The following RNLS variants were observed in gnomAD, a reference collection of about 807,000 sequenced individuals.
RNLS encodes renalase, FAD dependent amine oxidase.
In RNLS, 39 loss-of-function variants were observed where a neutral mutation model predicts 39.8. That is an observed-to-expected ratio of 0.98 (90% CI 0.76 to 1.28). The LOEUF (loss-of-function observed/expected upper bound fraction) is 1.28. Among genes scored for constraint, RNLS ranks in the 50% most tolerant of loss-of-function variants. RNLS has a pLI of 0.00. For missense variants in RNLS, 410 were observed against 413.3 expected (o/e 0.99, Z 0.07); for synonymous variants, 147 against 150.7 (o/e 0.98, Z 0.18).
intron 5 of RNLS, among the ~76,000 whole-genome samples, chr10:88,332,056 A>G (rs1226984464): frequency 1.3e-5 from 2 of 152,134 alleles, no homozygotes; most frequent in African/African-American, 4.8e-5. Context: ...TTGGCATTCT[A>G]CCTCCTTGGC....
At chr10:88,470,772 T>A (rs1475708287) in intron 4 of RNLS, among the ~76,000 whole-genome samples, 1 of 151,990 alleles carries the variant, frequency 6.6e-6, no homozygotes, top group Non-Finnish European at 1.5e-5. Context: ...CATGCTACCA[T>A]GCCCGGCTAA....
chr10:88,289,053 G>C (rs973212769), intron 6 of RNLS, among the ~76,000 whole-genome samples: 1 of 152,186 alleles, frequency 6.6e-6, no homozygotes, highest in Non-Finnish European at 1.5e-5. Flanking sequence ...TGGCTCACAT[G>C]TGTGCCAGGG....
chr10:88,409,114 T>C (rs938770137), intron 4 of RNLS, among the ~76,000 whole-genome samples: 2 of 152,256 alleles, frequency 1.3e-5, no homozygotes. Context: ...GGTAAAAATC[T>C]ATACACAATA....
chr10:88,276,705 G>C (rs1449636437), intron 6 of RNLS, among the ~76,000 whole-genome samples: 2 of 152,046 alleles, frequency 1.3e-5, no homozygotes, highest in Admixed American at 1.3e-4. Flanking sequence ...CCATTTTGCA[G>C]GAAGGTACTT....
At chr10:88,269,952 G>A (rs912462254), downstream of RNLS, among the ~76,000 whole-genome samples, 9 of 152,080 alleles carry the variant, frequency 5.9e-5, no homozygotes, top group African/African-American at 2.2e-4. Context: ...GGTTCAAGTG[G>A]TTCTCCTCTC....
At chr10:88,371,288 G>C (rs3891323) in intron 4 of RNLS, among the ~76,000 whole-genome samples, 38,202 of 151,952 alleles carry the variant, frequency 0.25, 5,085 homozygotes, top group Non-Finnish European at 0.28. Flanking sequence ...AAAGCCTTCA[G>C]GGGTGTCTAT....
rs920720011 is a variant in RNLS at position 88,328,119 on chromosome 10, G to T, written c.701-13478C>A. 3.3e-5 allele frequency among the ~76,000 whole-genome samples: 5 copies of T among 152,306 alleles called. No homozygotes were observed. In the East Asian group the frequency reaches 9.7e-4, roughly 29 times the overall value. ...GACAGGGTTTCGCCATGTTGGCCAG[G>T]CTGGTCTCAAATTCCTGGCCTCATG... On this transcript the variant is annotated intron_variant, in intron 5 of 6. Coordinates refer to ENST00000331772, the MANE Select transcript of RNLS (RefSeq NM_001031709.3).
intron 4 of RNLS, among the ~76,000 whole-genome samples, chr10:88,459,812 G>A (rs537900743): frequency 2.6e-5 from 4 of 152,216 alleles, no homozygotes; most frequent in East Asian, 1.9e-4. Flanking sequence ...CTGTACTCAC[G>A]ATTAAAGGGC....
chr10:88,377,550 A>G (rs1169129106), intron 4 of RNLS, among the ~76,000 whole-genome samples: 1 of 152,226 alleles, frequency 6.6e-6, no homozygotes, highest in Non-Finnish European at 1.5e-5. Context: ...ACTGTACTGA[A>G]TACTACAGGT....
At chr10:88,252,412 C>A in the RNLS span, among the ~76,000 whole-genome samples, 2 of 152,316 alleles carry the variant, frequency 1.3e-5, no homozygotes, top group Non-Finnish European at 2.9e-5. Context: ...TACCCCCATA[C>A]AACTCCCACA....
At chr10:88,442,838 G>C (rs529205391) in intron 4 of RNLS, among the ~76,000 whole-genome samples, 2 of 152,094 alleles carry the variant, frequency 1.3e-5, no homozygotes, top group African/African-American at 4.8e-5. Flanking sequence ...AGTACTTCCA[G>C]CTCCAACACT....
intron 4 of RNLS, among the ~76,000 whole-genome samples, chr10:88,499,028 T>C (rs1845322707): frequency 6.6e-6 from 1 of 152,178 alleles, no homozygotes; most frequent in Non-Finnish European, 1.5e-5. Flanking sequence ...AAATATGAGA[T>C]GAAATTATGG....
the RNLS span, among the ~76,000 whole-genome samples, chr10:88,257,623 G>C: frequency 6.6e-6 from 1 of 152,182 alleles, no homozygotes; most frequent in African/African-American, 2.4e-5. Context: ...AAATGGTCAG[G>C]CTGGGAGACC....
At chr10:88,257,978 A>G in the RNLS span, among the ~76,000 whole-genome samples, 3 of 152,170 alleles carry the variant, frequency 2.0e-5, no homozygotes, top group Non-Finnish European at 4.4e-5. Flanking sequence ...AATTAATTGA[A>G]TGACATGTGC....
the RNLS span, among the ~76,000 whole-genome samples, chr10:88,261,113 GTAAT>G: frequency 6.6e-6 from 1 of 152,232 alleles, no homozygotes; most frequent in Non-Finnish European, 1.5e-5. Context: ...AGGAAAGGAA[GTAAT>G]AATTAAAATG....
intron 6 of RNLS, among the ~76,000 whole-genome samples, chr10:88,310,128 C>T (rs1277739048): frequency 1.3e-5 from 2 of 152,086 alleles, no homozygotes; most frequent in Non-Finnish European, 2.9e-5. Context: ...AGGAGGATTG[C>T]TTGAGCCGGG....
intron 4 of RNLS, among the ~76,000 whole-genome samples, chr10:88,380,643 C>A (rs78765429): frequency 0.077 from 11,782 of 152,028 alleles, 719 homozygotes; most frequent in East Asian, 0.35. Context: ...CTCGGCCTCC[C>A]GAAGTGCTGG....
chr10:88,355,487 C>T (rs1365569253), intron 5 of RNLS, among the ~76,000 whole-genome samples: 4 of 152,162 alleles, frequency 2.6e-5, no homozygotes, highest in East Asian at 1.9e-4. Context: ...CACTCCAGAC[C>T]GTTTGCCTGG....
chr10:88,203,297 TATATATATATATATAC>T, the RNLS span, among the ~76,000 whole-genome samples: 25 of 11,062 alleles, frequency 2.3e-3, 8 homozygotes, highest in South Asian at 6.0e-3. Flanking sequence ...TATACGTATG[TATATATATATATATAC>T]GTATGTATAT....
Sources: gnomAD v4.1 joint callset for allele counts (sites outside exome capture counted in the v4.1 genomes callset) on GRCh38, gnomAD v4.1.1 for gene constraint, MANE v1.5 for transcripts, NCBI Gene and HGNC (gene_info 2026-07-23, HGNC 2026-07-21) for gene names.